ITGAX: variants seen among roughly 807,000 people sequenced by gnomAD.
The protein encoded by ITGAX is integrin subunit alpha X.
Under a neutral mutation model 140.2 loss-of-function variants are expected in ITGAX, and 99 were observed. That is an observed-to-expected ratio of 0.71 (90% CI 0.60 to 0.83). The LOEUF (loss-of-function observed/expected upper bound fraction) is 0.83. Ranked by LOEUF, ITGAX falls within the 40% of genes least tolerant of loss-of-function variation. The probability of loss-of-function intolerance (pLI) is 0.00; values close to 1 mark genes in which losing one functional copy is unlikely to be tolerated. For synonymous variants in ITGAX, 631 were observed against 600.4 expected, an observed-to-expected ratio of 1.05 and a Z score of -0.75; for missense variants, 1,444 against 1,482.0, an observed-to-expected ratio of 0.97 and a Z score of 0.42.
intron 17 of ITGAX, 89 bp from the exon 18 acceptor site, chr16:31,372,289 G>A: frequency 6.7e-7 from 1 of 1,489,008 alleles, no homozygotes; most frequent in South Asian, 1.3e-5. Flanking sequence ...GCGGGAGCTG[G>A]GCAGAGGCAG....
intron 3 of ITGAX, 49 bp downstream of exon 3, chr16:31,356,777 C>T: frequency 7.3e-7 from 1 of 1,373,162 alleles, no homozygotes; most frequent in African/African-American, 1.4e-5. Flanking sequence ...CCAGGCTTCC[C>T]TGCTCCAGGG....
At chr16:31,372,208 A>G (rs2080973736) in intron 17 of ITGAX, among the ~76,000 whole-genome samples, 170 bp from the exon 18 acceptor site, 1 of 151,814 alleles carries the variant, frequency 6.6e-6, no homozygotes, top group Non-Finnish European at 1.5e-5. Flanking sequence ...AGGGGAGAGA[A>G]CAGAGAGGGT....
intron 9 of ITGAX, 138 bp from the exon 10 acceptor site, chr16:31,361,698 G>A (rs1021850379): frequency 1.0e-6 from 1 of 970,302 alleles, no homozygotes; most frequent in South Asian, 1.4e-5. Flanking sequence ...CTGATCTGGA[G>A]GGCAGAGCCT....
At position 31,355,179 on chromosome 16, in the gene ITGAX, T is replaced by G; in HGVS notation, c.-76T>G. ...TCCCCTGGCCACCTCTCTGCCCACT[T>G]GCTTCCTCAGTACCTTGGTCCAGCT... On this transcript the variant is annotated 5_prime_UTR_variant, in exon 1 of 30. Coordinates refer to ENST00000268296, the MANE Select transcript of ITGAX (RefSeq NM_000887.5). The G allele has an allele frequency of 6.5e-7, 1 of 1,532,996 alleles. No individual in the cohort carries two copies. The highest frequency in any genetic ancestry group is 9.0e-7 in the Non-Finnish European group (1 of 1,111,134). 95.0% of individuals were successfully genotyped at this position (1,532,996 alleles called of 1,614,324 possible). A position where few individuals can be genotyped will look rare whatever the true frequency, so the allele number is the denominator to read the frequency against.
At chr16:31,371,031 C>T (rs1302894033) in intron 14 of ITGAX, 53 bp from the exon 15 acceptor site, 2 of 1,611,508 alleles carry the variant, frequency 1.2e-6, no homozygotes, top group African/African-American at 2.7e-5. Flanking sequence ...TTACTTATTT[C>T]CAACTTCTTC....
In ITGAX at chr16:31,371,626, A is replaced by C. The variant is rs776881466; in HGVS notation, c.2006-4A>C. 1 of 1,613,944 alleles carries C rather than the reference A, an allele frequency of 6.2e-7. No homozygotes were observed. The highest frequency in any genetic ancestry group is 1.1e-5 in the South Asian group (1 of 91,074). Reference sequence around the variant, plus strand: ...CTCAACGCCGTCCCTGCGACCGCCTACAGGTGACCTCCAAAGCTCTGTGAC... The same window carrying C: ...CTCAACGCCGTCCCTGCGACCGCCTCCAGGTGACCTCCAAAGCTCTGTGAC... On this transcript the variant is annotated splice_polypyrimidine_tract_variant and splice_region_variant and intron_variant, in intron 16 of 29. Transcript: ENST00000268296.
Position 31,382,394 on chromosome 16 carries a change from C to G in ITGAX, c.*487C>G, listed in dbSNP as rs568068140. 1 of 1,525,358 alleles carries G rather than the reference C, an allele frequency of 6.6e-7. No individual in the cohort carries two copies. The highest frequency in any genetic ancestry group is 8.8e-7 in the Non-Finnish European group (1 of 1,137,674). The allele number at this position is 1,525,358 out of a possible 1,614,324, so 94.5% of individuals were successfully genotyped here. A position where few individuals can be genotyped will look rare whatever the true frequency, so the allele number is the denominator to read the frequency against. On this transcript the variant is annotated 3_prime_UTR_variant, in exon 30 of 30. Coordinates refer to ENST00000268296, the MANE Select transcript of ITGAX (RefSeq NM_000887.5). ...CTGAGTAGCTGGGACTACAGGCACA[C>G]GCCACCTCGCCCGGCCCGATCTTTC...
intron 9 of ITGAX, 165 bp downstream of exon 9, chr16:31,361,378 C>G (rs1477085796): frequency 1.2e-6 from 1 of 830,782 alleles, no homozygotes; most frequent in African/African-American, 1.7e-5. Context: ...CGTCCCCCAG[C>G]ACTGTCAGAG....
chr16:31,379,961 G>C (rs1567308674), intron 25 of ITGAX, 21 bp from the exon 26 acceptor site: 1 of 1,611,472 alleles, frequency 6.2e-7, no homozygotes, highest in Non-Finnish European at 8.5e-7. Flanking sequence ...TGAGACACTT[G>C]TTCTCTGCAT....
chr16:31,368,595 T>TA (rs1302429510), intron 14 of ITGAX, among the ~76,000 whole-genome samples: 2 of 151,454 alleles, frequency 1.3e-5, no homozygotes, highest in Non-Finnish European at 2.9e-5. Flanking sequence ...ATTTTTTATT[T>TA]TTTATTTATT....
rs999534724 is a variant in ITGAX at position 31,371,327 on chromosome 16, C to A, written c.1842-7C>A. 3.7e-6 allele frequency: 6 copies of A among 1,613,798 alleles called. No individual in the cohort carries two copies. The highest frequency in any genetic ancestry group is 5.1e-6 in the Non-Finnish European group (6 of 1,179,792). ...GGCCTGTCCTCAGCTCGGTGCTCTG[C>A]CCGCAGGACCAGACCTGTGCTCTGG... is the stretch of plus-strand genomic sequence containing the variant. On this transcript the variant is annotated splice_region_variant and splice_polypyrimidine_tract_variant and intron_variant, in intron 15 of 29. Coordinates refer to ENST00000268296, the MANE Select transcript of ITGAX (RefSeq NM_000887.5).
chr16:31,356,671 G>A lies in ITGAX; in HGVS notation c.190G>A (p.Gly64Ser). The A allele has an allele frequency of 6.2e-7, 1 of 1,601,768 alleles. No homozygotes were observed. The highest frequency in any genetic ancestry group is 8.5e-7 in the Non-Finnish European group (1 of 1,175,224). ...AAAGATAACAGCTGCCAACCAAACG[G>A]GTGGCCTCTACCAGTGTGGCTACAG... ...PQKITAANQT[G>S]GLYQCGYSTG... Residue 64 changes from glycine (G) to serine (S), a missense_variant, in exon 3 of 30, where the codon GGT becomes AGT. Physicochemically the swap from Gly to Ser is moderately conservative, Grantham distance 56. Transcript: ENST00000268296.
intron 2 of ITGAX, 100 bp downstream of exon 2, chr16:31,356,098 C>T (rs1434061654): frequency 2.4e-6 from 2 of 820,536 alleles, no homozygotes; most frequent in South Asian, 3.3e-5. Context: ...ACTCTCCTCT[C>T]TGTCTGGTGT....
chr16:31,361,977 T>C (rs2080831576), intron 10 of ITGAX, 68 bp downstream of exon 10: 1 of 1,605,696 alleles, frequency 6.2e-7, no homozygotes, highest in Admixed American at 1.7e-5. Flanking sequence ...CCAGGGTGGG[T>C]GTCAGGTGGG....
At chr16:31,359,618 G>T in intron 5 of ITGAX, 82 bp from the exon 6 acceptor site, 1 of 1,527,262 alleles carries the variant, frequency 6.5e-7, no homozygotes, top group Non-Finnish European at 8.9e-7. Flanking sequence ...GGTTTTGGGA[G>T]AGTGAGCTCT....
intron 14 of ITGAX, among the ~76,000 whole-genome samples, chr16:31,369,653 C>A (rs1397368241): frequency 6.6e-6 from 1 of 152,184 alleles, no homozygotes; most frequent in Non-Finnish European, 1.5e-5. Flanking sequence ...GCATTTTTTA[C>A]CAATCAAATA....
chr16:31,362,862 G>C, intron 12 of ITGAX, 73 bp from the exon 13 acceptor site: 1 of 1,606,922 alleles, frequency 6.2e-7, no homozygotes, highest in South Asian at 1.1e-5. Flanking sequence ...TGGTACCTGG[G>C]GAGAGGTGGG....
At position 31,380,340 on chromosome 16, in the gene ITGAX, C is replaced by T; in HGVS notation, c.3135C>T (p.Phe1045=). The part of the protein sequence containing the change: ...PSFSVQEELD[F]TLKGNLSFGW... ...TCAGCGTCCAGGAGGAGCTGGATTT[C>T]ACCCTGAAGGGCAACCTCAGCTTTG... Residue 1045 remains phenylalanine, a synonymous_variant, in exon 27 of 30, where the codon TTC becomes TTT. Coordinates refer to ENST00000268296, the MANE Select transcript of ITGAX (RefSeq NM_000887.5). 6.2e-7 allele frequency: 1 copy of T among 1,614,226 alleles called. No homozygotes were observed. The highest frequency in any genetic ancestry group is 8.5e-7 in the Non-Finnish European group (1 of 1,180,042).
chr16:31,370,567 A>G (rs973900413), intron 14 of ITGAX, among the ~76,000 whole-genome samples: 1 of 152,120 alleles, frequency 6.6e-6, no homozygotes, highest in Admixed American at 6.6e-5. Flanking sequence ...ACTGTCCCCA[A>G]CCTCTCTCCT....
Sources: allele counts gnomAD v4.1 joint callset (sites outside exome capture counted in the v4.1 genomes callset), GRCh38; gene constraint gnomAD v4.1.1; transcripts MANE v1.5; gene names NCBI Gene and HGNC (gene_info 2026-07-23, HGNC 2026-07-21).